The following CSMD1 variants were observed in gnomAD, a reference collection of about 807,000 sequenced individuals.
CSMD1 encodes the protein CUB and sushi domain-containing protein 1.
In CSMD1, 213 loss-of-function variants were observed where a neutral mutation model predicts 417.5. That is an observed-to-expected ratio of 0.51 (90% confidence interval 0.46 to 0.57). The LOEUF (loss-of-function observed/expected upper bound fraction) is 0.57, where lower values mean the gene tolerates loss of function less well. CSMD1 is among the 20% of genes least tolerant of loss of function. The pLI is 0.00. For synonymous variants in CSMD1, 2,862 were observed against 1,736.8 expected, an observed-to-expected ratio of 1.65 and a Z score of -16.11; for missense variants, 6,923 against 4,529.7, an observed-to-expected ratio of 1.53 and a Z score of -15.17.
intron 23 of CSMD1, among the ~76,000 whole-genome samples, chr8:3,317,183 T>C (rs1805831019): frequency 6.6e-6 from 1 of 152,198 alleles, no homozygotes; most frequent in African/African-American, 2.4e-5. Flanking sequence ...ATAATGATTC[T>C]GATCTTCTCA....
chr8:4,149,874 G>A (rs1796476776), intron 3 of CSMD1, among the ~76,000 whole-genome samples: 1 of 152,182 alleles, frequency 6.6e-6, no homozygotes, highest in Non-Finnish European at 1.5e-5. Context: ...TTATTTGTAA[G>A]CTGACCCAGG....
chr8:4,702,360 C>T (rs1016775686), intron 1 of CSMD1, among the ~76,000 whole-genome samples: 14 of 152,194 alleles, frequency 9.2e-5, no homozygotes, highest in African/African-American at 3.4e-4. Context: ...GACCCTCCTG[C>T]TCTCCGAAGT....
chr8:4,605,853 G>C (rs1408544317), intron 2 of CSMD1, among the ~76,000 whole-genome samples: 1 of 152,134 alleles, frequency 6.6e-6, no homozygotes, highest in Non-Finnish European at 1.5e-5. Flanking sequence ...TAATTGCCGT[G>C]TCAAATTCCA....
intron 3 of CSMD1, among the ~76,000 whole-genome samples, chr8:4,357,004 C>T (rs145421397): frequency 9.2e-5 from 14 of 152,218 alleles, no homozygotes; most frequent in East Asian, 7.7e-4. Context: ...TGAAGATAAA[C>T]GAATTTCAAT....
intron 50 of CSMD1, among the ~76,000 whole-genome samples, chr8:3,033,946 C>A (rs536007024): frequency 2.0e-5 from 3 of 152,128 alleles, no homozygotes; most frequent in African/African-American, 4.8e-5. Flanking sequence ...ATCACAGCAG[C>A]CTTGCTTCAG....
intron 3 of CSMD1, among the ~76,000 whole-genome samples, chr8:4,201,898 G>GCA (rs917585144): frequency 6.2e-5 from 9 of 146,138 alleles, no homozygotes; most frequent in South Asian, 2.2e-4. Flanking sequence ...GGGGGGGGGG[G>GCA]GCGCTGCATT....
intron 27 of CSMD1, among the ~76,000 whole-genome samples, chr8:3,225,809 G>A (rs777833999): frequency 6.6e-6 from 1 of 152,166 alleles, no homozygotes; most frequent in Non-Finnish European, 1.5e-5. Context: ...TTTTGGTCTG[G>A]TATTCTTCAA....
rs569613585 is a variant in CSMD1, at chr8:4,445,618, C to T, written c.303-25553G>A. Among the ~76,000 whole-genome samples, 14 of 152,250 alleles carry T rather than the reference C, an allele frequency of 9.2e-5. No individual in the cohort carries two copies. In the South Asian group the frequency reaches 2.7e-3, roughly 29 times the overall value. On this transcript the variant is annotated intron_variant, in intron 2 of 69. Coordinates refer to ENST00000635120, the MANE Select transcript of CSMD1 (RefSeq NM_033225.6). ...AAAGAACTGTGTGTTCAGAGTCGAA[C>T]TGGGCCAGGCATGTGTTCCTAGGAA...
chr8:3,252,881 T>C (rs1349060690), intron 26 of CSMD1, among the ~76,000 whole-genome samples: 4 of 152,220 alleles, frequency 2.6e-5, no homozygotes, highest in South Asian at 2.1e-4. Flanking sequence ...TGATGGTAGT[T>C]TGTATTTCTG....
intron 5 of CSMD1, among the ~76,000 whole-genome samples, chr8:3,911,416 T>G (rs1010593123): frequency 2.6e-5 from 4 of 151,742 alleles, no homozygotes; most frequent in African/African-American, 9.7e-5. Context: ...TGATCCCAGT[T>G]ACTCGGGAGG....
At chr8:3,397,566 G>T (rs1025978421) in intron 16 of CSMD1, among the ~76,000 whole-genome samples, 1 of 152,180 alleles carries the variant, frequency 6.6e-6, no homozygotes, top group Non-Finnish European at 1.5e-5. Context: ...CCACATTTGG[G>T]ATTGCATAGT....
intron 1 of CSMD1, among the ~76,000 whole-genome samples, chr8:4,871,779 A>G (rs917376893): frequency 3.9e-5 from 6 of 152,102 alleles, no homozygotes; most frequent in African/African-American, 1.2e-4. Flanking sequence ...TTGAAACTGT[A>G]CATTTAGATT....
rs140503482 is a variant in CSMD1 at position 3,110,845 on chromosome 8, T to C, written c.6431-510A>G. 1.8e-3 allele frequency among the ~76,000 whole-genome samples: 268 copies of C among 152,322 alleles called. 1 individual carries two copies. The highest frequency in any genetic ancestry group is 6.1e-3 in the African/African-American group (255 of 41,572). On this transcript the variant is annotated intron_variant, in intron 42 of 69. Coordinates refer to ENST00000635120, the MANE Select transcript of CSMD1 (RefSeq NM_033225.6). ...GAAGTAAGATAATGCAATGTAAGAT[T>C]ATGTAAGTGGTGTTTTGCGGAAGCA... is the stretch of plus-strand genomic sequence containing the variant.
chr8:4,360,683 C>A lies in CSMD1; in HGVS notation c.415+59270G>T, dbSNP rs146085258. Among the ~76,000 whole-genome samples the A allele has an allele frequency of 1.7e-3, 258 of 152,078 alleles. 2 individuals are homozygous for A. Among genetic ancestry groups the A allele is most frequent in the African/African-American group, 6.0e-3 (247 of 41,482 alleles). On this transcript the variant is annotated intron_variant, in intron 3 of 69. Transcript: ENST00000635120. ...TTTTTTTTTTGTTTTTTAGTGGACA[C>A]AGGGTTTCAACATCTTAGCCAGGAT...
At chr8:4,084,947 G>C (rs573336715) in intron 3 of CSMD1, among the ~76,000 whole-genome samples, 2 of 152,260 alleles carry the variant, frequency 1.3e-5, no homozygotes, top group African/African-American at 4.8e-5. Flanking sequence ...ATTTGGGAAA[G>C]CACCTGCAGA....
chr8:3,299,818 C>G (rs1172076762), intron 25 of CSMD1, among the ~76,000 whole-genome samples: 1 of 152,016 alleles, frequency 6.6e-6, no homozygotes, highest in Admixed American at 6.6e-5. Flanking sequence ...TTTTTCTGGA[C>G]AGATTGTTAA....
chr8:4,754,896 T>G (rs1190877653), intron 1 of CSMD1, among the ~76,000 whole-genome samples: 3 of 151,662 alleles, frequency 2.0e-5, no homozygotes, highest in African/African-American at 7.3e-5. Flanking sequence ...CCAAGCACTT[T>G]GTGAATCCAA....
chr8:2,942,708 G>A (rs1801967534), intron 68 of CSMD1, 104 bp from the exon 69 acceptor site: 6 of 840,050 alleles, frequency 7.1e-6, no homozygotes, highest in Non-Finnish European at 1.0e-5. Flanking sequence ...AGAAGCAGAC[G>A]GAGTTGCCAT....
At chr8:3,693,886 A>G (rs2624062) in intron 7 of CSMD1, among the ~76,000 whole-genome samples, 48,575 of 149,852 alleles carry the variant, frequency 0.32, 8,873 homozygotes, top group Admixed American at 0.48. Context: ...TGTATGTTGA[A>G]TATAGATGTG....
Sources: allele counts gnomAD v4.1 joint callset (sites outside exome capture counted in the v4.1 genomes callset), GRCh38; gene constraint gnomAD v4.1.1; transcripts MANE v1.5; gene names NCBI Gene and HGNC (gene_info 2026-07-23, HGNC 2026-07-21).